FOXN1: variants seen among roughly 807,000 people sequenced by gnomAD.
FOXN1 encodes the protein forkhead box N1, also known as forkhead box protein N1.
FOXN1 carries 15 observed loss-of-function variants against 49.0 expected under a neutral mutation model. The observed-to-expected ratio is 0.31, with a 90% CI of 0.20 to 0.47. The LOEUF (loss-of-function observed/expected upper bound fraction) is 0.47. Ranked by LOEUF, FOXN1 falls within the 20% of genes least tolerant of loss-of-function variation. The pLI is 1.00. For missense variants in FOXN1, 800 were observed against 842.8 expected (o/e 0.95, Z 0.63); for synonymous variants, 356 against 369.0 (o/e 0.96, Z 0.40).
At chr17:28,533,613 C>T (rs746784817) in intron 6 of FOXN1, among the ~76,000 whole-genome samples, 7 of 151,998 alleles carry the variant, frequency 4.6e-5, no homozygotes, top group Non-Finnish European at 8.8e-5. Context: ...GAGACTTTCT[C>T]ACACACAGCC....
chr17:28,536,669 C>T (rs2151501283), intron 8 of FOXN1, among the ~76,000 whole-genome samples: 1 of 152,286 alleles, frequency 6.6e-6, no homozygotes, highest in Non-Finnish European at 1.5e-5. Flanking sequence ...TTCCCTGGGC[C>T]CTGCAGTGGA....
intron 1 of FOXN1, among the ~76,000 whole-genome samples, chr17:28,508,079 A>ACGCTGCACCCCCAGGCC (rs2069303976): frequency 6.7e-6 from 1 of 150,294 alleles, no homozygotes; most frequent in Non-Finnish European, 1.5e-5. Flanking sequence ...CTGCCGAGGC[A>ACGCTGCACCCCCAGGCC]CGCTGCACCC....
In FOXN1 at chr17:28,534,134, T is replaced by C. The variant is rs667049; in HGVS notation, c.928-197T>C. Among the ~76,000 whole-genome samples the C allele has an allele frequency of 0.39, 59,940 of 151,926 alleles. 13,009 individuals are homozygous for C. The highest frequency in any genetic ancestry group is 0.57 in the African/African-American group (23,618 of 41,430). ...GATTTGAGATGAAAATAACTTGGGG[T>C]CAAGGTTCCTGTTCACCCGTCCCCT... is the stretch of plus-strand genomic sequence containing the variant. On this transcript the variant is annotated intron_variant, in intron 6 of 8. Transcript: ENST00000579795. The surrounding 1 kb of genome is among the most constrained non-coding windows in gnomAD (Gnocchi z 4.1).
intron 1 of FOXN1, among the ~76,000 whole-genome samples, chr17:28,514,330 C>T (rs978968039): frequency 6.6e-6 from 1 of 152,174 alleles, no homozygotes; most frequent in Non-Finnish European, 1.5e-5. Context: ...CATTCTGTCC[C>T]TACCTGCTCT....
intron 1 of FOXN1, among the ~76,000 whole-genome samples, chr17:28,515,934 T>A (rs1349192685): frequency 6.7e-6 from 1 of 148,960 alleles, no homozygotes; most frequent in African/African-American, 2.5e-5. Context: ...TTTCCACAGG[T>A]ATACCCTCCT....
At position 28,535,487 on chromosome 17, in the gene FOXN1, C is replaced by T. The variant is rs140241311; in HGVS notation, c.1627+289C>T. On this transcript the variant is annotated intron_variant, in intron 8 of 8. Transcript: ENST00000579795. ...ACTCTTGGCAGGGCACAGTGGCTCA[C>T]GCCTGTAATCCCAGCACTCTGGGAG... Among the ~76,000 whole-genome samples, 738 of 152,350 alleles carry T rather than the reference C, an allele frequency of 4.8e-3. 11 individuals carry two copies. Among genetic ancestry groups the T allele is most frequent in the African/African-American group, 0.016 (682 of 41,572 alleles).
chr17:28,534,372 A>G lies in FOXN1; in HGVS notation c.969A>G (p.Leu323=), dbSNP rs756285596. 45 of 1,614,108 alleles carry G rather than the reference A, an allele frequency of 2.8e-5. No individual in the cohort carries two copies. The South Asian group carries it at 3.6e-4, about 13-fold the overall frequency. The stretch of plus-strand genomic sequence containing the variant: ...GGAAGAATTCTGTCCGGCACAACCT[A>G]TCCCTCAACAAGTGCTTCGAGAAGG... The part of the protein sequence containing the change: ...DGWKNSVRHN[L]SLNKCFEKVE... Residue 323 remains leucine, a synonymous_variant, in exon 7 of 9, where the codon CTA becomes CTG. Coordinates refer to ENST00000579795, the MANE Select transcript of FOXN1 (RefSeq NM_001369369.1). This position sits in a 1 kb window ranked among gnomAD's most constrained non-coding sequence, Gnocchi z 4.1.
At chr17:28,529,022 A>G (rs1455709055) in intron 4 of FOXN1, 72 bp from the exon 5 acceptor site, 14 of 1,590,790 alleles carry the variant, frequency 8.8e-6, no homozygotes, top group African/African-American at 5.4e-5. Context: ...GGATGTATAT[A>G]AATGGGGAGG....
At chr17:28,526,165 A>G (rs1187977173) in intron 3 of FOXN1, among the ~76,000 whole-genome samples, 1 of 152,210 alleles carries the variant, frequency 6.6e-6, no homozygotes, top group African/African-American at 2.4e-5. Flanking sequence ...AGCTCCAGAG[A>G]CACACAGGTA....
rs1488105329 is a variant in FOXN1, at chr17:28,538,054, C to G, written c.*618C>G. Reference sequence around the variant, plus strand: ...GCTCCTCCCTGGGTTGTCTGTGGACCCCCCCAGGAGCTGCTAATTGGCAGC... The same window carrying G: ...GCTCCTCCCTGGGTTGTCTGTGGACGCCCCCAGGAGCTGCTAATTGGCAGC... On this transcript the variant is annotated 3_prime_UTR_variant, in exon 9 of 9. Transcript: ENST00000579795. 6.3e-6 allele frequency: 1 copy of G among 157,898 alleles called. No individual in the cohort carries two copies. The highest frequency in any genetic ancestry group is 1.4e-5 in the Non-Finnish European group (1 of 71,198). The allele number at this position is 157,898 out of a possible 1,614,324, so 9.8% of individuals were successfully genotyped here.
chr17:28,531,823 G>A (rs1181622538), intron 6 of FOXN1, among the ~76,000 whole-genome samples: 1 of 152,126 alleles, frequency 6.6e-6, no homozygotes, highest in Non-Finnish European at 1.5e-5. Context: ...TCCTGCCTGG[G>A]GATAATTTGA....
intron 5 of FOXN1, among the ~76,000 whole-genome samples, chr17:28,529,864 G>A (rs1219234270): frequency 6.6e-6 from 1 of 152,148 alleles, no homozygotes; most frequent in Non-Finnish European, 1.5e-5. Flanking sequence ...TGCAGAGAAG[G>A]GCTTTGTGAA....
intron 3 of FOXN1, among the ~76,000 whole-genome samples, chr17:28,525,702 T>A (rs1410444683): frequency 6.6e-6 from 1 of 152,116 alleles, no homozygotes; most frequent in Non-Finnish European, 1.5e-5. Context: ...CAGTGCCTAC[T>A]CCACATGCCC....
At chr17:28,514,215 C>G (rs1219019583) in intron 1 of FOXN1, among the ~76,000 whole-genome samples, 1 of 152,042 alleles carries the variant, frequency 6.6e-6, no homozygotes, top group Non-Finnish European at 1.5e-5. Flanking sequence ...GATTTGGGGA[C>G]TGGAATGACT....
chr17:28,524,357 G>C (rs985480995), intron 2 of FOXN1, 146 bp from the exon 3 acceptor site: 2 of 726,360 alleles, frequency 2.8e-6, no homozygotes, highest in Non-Finnish European at 4.5e-6. Context: ...TCGGGGCCAA[G>C]GGTAGGCTAT....
intron 3 of FOXN1, among the ~76,000 whole-genome samples, chr17:28,526,807 A>G (rs1567880314): frequency 6.6e-6 from 1 of 152,040 alleles, no homozygotes; most frequent in Non-Finnish European, 1.5e-5. Context: ...GCCACTACCC[A>G]TGCTCCCCTC....
In FOXN1 at chr17:28,524,057, G is replaced by T. The variant is rs774122501; in HGVS notation, c.88G>T (p.Ala30Ser). Residue 30 changes from alanine to serine, a missense_variant, in exon 2 of 9, where the codon GCA becomes TCA. Transcript: ENST00000579795. ...EGERQGDLMQ[A>S]PGLPGSPAPQ... Reference sequence around the variant, plus strand: ...CGAGCGCCAAGGGGACCTCATGCAGGCACCGGGCCTCCCAGGCTCCCCTGC... The same window carrying T: ...CGAGCGCCAAGGGGACCTCATGCAGTCACCGGGCCTCCCAGGCTCCCCTGC... 1.7e-5 allele frequency: 27 copies of T among 1,609,968 alleles called. 2 individuals are homozygous for T. In the South Asian group the frequency reaches 3.0e-4, roughly 18 times the overall value.
chr17:28,537,968 C>T lies in FOXN1; in HGVS notation c.*532C>T, dbSNP rs760672630. ...CCCTCGTCATTTTCTTTCCCAGAAG[C>T]GCCCTGTATTTATTCCCCCATCTTC... On this transcript the variant is annotated 3_prime_UTR_variant, in exon 9 of 9. Transcript: ENST00000579795. 2 of 166,204 alleles carry T rather than the reference C, an allele frequency of 1.2e-5. No homozygotes were observed. Among genetic ancestry groups the T allele is most frequent in the South Asian group, 3.0e-4 (2 of 6,560 alleles). The allele number at this position is 166,204 out of a possible 1,614,324, so 10.3% of individuals were successfully genotyped here.
At chr17:28,526,524 C>T (rs992439042) in intron 3 of FOXN1, among the ~76,000 whole-genome samples, 1 of 152,236 alleles carries the variant, frequency 6.6e-6, no homozygotes, top group African/African-American at 2.4e-5. Context: ...CTGTGCCGGC[C>T]TCTCACACAT....
Sources: gnomAD v4.1 joint callset for allele counts (sites outside exome capture counted in the v4.1 genomes callset) on GRCh38, gnomAD v4.1.1 for gene constraint, Gnocchi (gnomAD v3.1) non-coding constraint, MANE v1.5 for transcripts, NCBI Gene and HGNC (gene_info 2026-07-23, HGNC 2026-07-21) for gene names.